Variants in RBFOX1 observed in about 807,000 individuals in gnomAD.
RBFOX1 encodes the protein RNA binding fox-1 homolog 1, also known as RNA binding protein fox-1 homolog 1.
Under a neutral mutation model 57.7 loss-of-function variants are expected in RBFOX1, and 8 were observed. The observed-to-expected ratio is 0.14, with a 90% CI of 0.08 to 0.25. RBFOX1 has a LOEUF of 0.25. Among genes scored for constraint, RBFOX1 ranks in the 10% least tolerant of loss-of-function variants. The pLI is 1.00. For missense variants in RBFOX1, 611 were observed against 548.5 expected (o/e 1.11, Z -1.14); for synonymous variants, 326 against 222.4 (o/e 1.47, Z -4.15).
At position 6,967,671 on chromosome 16, in the gene RBFOX1, T is replaced by C. The variant is rs886649337; in HGVS notation, c.-15-84386T>C. The stretch of plus-strand genomic sequence containing the variant: ...GTGTTCAGTAATTATATTGCTCTTC[T>C]AAGGGCCTGGTTCAAGACATTGAAC... On this transcript the variant is annotated intron_variant, in intron 3 of 15. Coordinates refer to ENST00000550418, the MANE Select transcript of RBFOX1 (RefSeq NM_018723.4). Among the ~76,000 whole-genome samples the C allele has an allele frequency of 2.0e-5, 3 of 152,088 alleles. No homozygotes were observed. The South Asian group carries it at 6.2e-4, about 32-fold the overall frequency.
At chr16:7,565,590 CAG>C (rs561651191) in intron 5 of RBFOX1, among the ~76,000 whole-genome samples, 98 of 152,294 alleles carry the variant, frequency 6.4e-4, no homozygotes, top group Non-Finnish European at 1.0e-3. Flanking sequence ...CAAGAAGAGA[CAG>C]AGCAAGTGTT....
intron 4 of RBFOX1, among the ~76,000 whole-genome samples, chr16:7,269,431 G>T (rs1156380350): frequency 1.3e-5 from 2 of 151,988 alleles, no homozygotes; most frequent in African/African-American, 4.8e-5. Flanking sequence ...CTCTTTTTGG[G>T]GTCTCTGTGT....
At chr16:5,493,870 A>C (rs529654748) in intron 2 of RBFOX1, among the ~76,000 whole-genome samples, 1 of 152,364 alleles carries the variant, frequency 6.6e-6, no homozygotes, top group East Asian at 1.9e-4. Flanking sequence ...AACGGTAGCC[A>C]AAATATGAAA....
intron 1 of RBFOX1, among the ~76,000 whole-genome samples, chr16:5,324,415 A>G (rs2064503006): frequency 6.6e-6 from 1 of 152,192 alleles, no homozygotes; most frequent in South Asian, 2.1e-4. Context: ...GTGAGCCAAG[A>G]TCACGACACT....
intron 1 of RBFOX1, among the ~76,000 whole-genome samples, chr16:6,284,595 G>A (rs962780605): frequency 6.6e-6 from 1 of 152,130 alleles, no homozygotes; most frequent in Non-Finnish European, 1.5e-5. Flanking sequence ...TTTAAATACG[G>A]TGTTGATGTT....
At chr16:6,275,796 A>G (rs2075742585) in intron 1 of RBFOX1, among the ~76,000 whole-genome samples, 1 of 152,220 alleles carries the variant, frequency 6.6e-6, no homozygotes, top group African/African-American at 2.4e-5. Flanking sequence ...TCTGCCAATT[A>G]GTATGATAAA....
At chr16:6,326,202 C>T (rs566815377) in intron 2 of RBFOX1, among the ~76,000 whole-genome samples, 4 of 152,284 alleles carry the variant, frequency 2.6e-5, no homozygotes, top group African/African-American at 9.6e-5. Flanking sequence ...TGCCATCATT[C>T]CTTCCTTCCT....
chr16:7,346,260 C>T (rs954222570), intron 4 of RBFOX1, among the ~76,000 whole-genome samples: 3 of 151,886 alleles, frequency 2.0e-5, no homozygotes, highest in African/African-American at 4.8e-5. Flanking sequence ...CAAGCAATGC[C>T]CCTGGGCCAC....
intron 3 of RBFOX1, among the ~76,000 whole-genome samples, chr16:6,816,251 G>C (rs532862447): frequency 6.6e-6 from 1 of 152,254 alleles, no homozygotes; most frequent in East Asian, 1.9e-4. Context: ...CAAGACCGTA[G>C]TAAGCTATGA....
intron 4 of RBFOX1, among the ~76,000 whole-genome samples, chr16:7,197,679 G>A (rs1391838133): frequency 1.3e-5 from 2 of 152,282 alleles, no homozygotes; most frequent in East Asian, 3.9e-4. Context: ...CAACTCAACT[G>A]TCCATCACCA....
intron 3 of RBFOX1, among the ~76,000 whole-genome samples, chr16:5,858,896 A>C (rs999231352): frequency 6.6e-6 from 1 of 152,148 alleles, no homozygotes; most frequent in African/African-American, 2.4e-5. Flanking sequence ...AGAGATAGGG[A>C]GAGGGGAAGC....
intron 10 of RBFOX1, among the ~76,000 whole-genome samples, chr16:7,625,490 G>A (rs2059946965): frequency 6.6e-6 from 1 of 152,060 alleles, no homozygotes; most frequent in African/African-American, 2.4e-5. Flanking sequence ...GAAACTTCCT[G>A]CATGGGGGCC....
chr16:7,131,702 C>T (rs999296870), intron 4 of RBFOX1, among the ~76,000 whole-genome samples: 2 of 151,846 alleles, frequency 1.3e-5, no homozygotes, highest in Non-Finnish European at 1.5e-5. Flanking sequence ...GACAGTAAGC[C>T]AAGCATAACC....
chr16:5,626,715 G>A (rs1225303282), intron 3 of RBFOX1, among the ~76,000 whole-genome samples: 1 of 152,132 alleles, frequency 6.6e-6, no homozygotes, highest in Non-Finnish European at 1.5e-5. Context: ...TGGGAGGAAT[G>A]AGTTTCCTTA....
chr16:6,625,619 G>A (rs1272967881), intron 2 of RBFOX1, among the ~76,000 whole-genome samples: 3 of 152,164 alleles, frequency 2.0e-5, no homozygotes, highest in Non-Finnish European at 4.4e-5. Flanking sequence ...ACCTTGTCAT[G>A]ATTTTCAGAA....
chr16:6,913,954 A>T (rs528758326), intron 3 of RBFOX1, among the ~76,000 whole-genome samples: 1 of 152,310 alleles, frequency 6.6e-6, no homozygotes, highest in South Asian at 2.1e-4. Context: ...ATAATTATGG[A>T]TGATTTATAC....
chr16:6,846,923 A>AC (rs930381588), intron 3 of RBFOX1, among the ~76,000 whole-genome samples: 9 of 152,020 alleles, frequency 5.9e-5, no homozygotes, highest in East Asian at 3.9e-4. Flanking sequence ...TAGGAAACAA[A>AC]AAAAAAAAGA....
intron 1 of RBFOX1, among the ~76,000 whole-genome samples, chr16:6,062,973 C>T (rs114110841): frequency 8.5e-4 from 130 of 152,236 alleles, no homozygotes; most frequent in African/African-American, 3.0e-3. Flanking sequence ...CCCATCTTTG[C>T]CCTGAAGAAC....
At chr16:6,978,572 C>A (rs1492384) in intron 3 of RBFOX1, among the ~76,000 whole-genome samples, 5,448 of 149,892 alleles carry the variant, frequency 0.036, 309 homozygotes, top group African/African-American at 0.12. Context: ...CCCCTTTCTC[C>A]TTTCTATATT....
Sources: allele counts gnomAD v4.1 joint callset (sites outside exome capture counted in the v4.1 genomes callset), GRCh38; gene constraint gnomAD v4.1.1; transcripts MANE v1.5; gene names NCBI Gene and HGNC (gene_info 2026-07-23, HGNC 2026-07-21).